The following SEC11A variants were observed in gnomAD, a reference collection of about 807,000 sequenced individuals.
The protein encoded by SEC11A is signal peptidase complex catalytic subunit SEC11A.
SEC11A carries 14 observed loss-of-function variants against 25.6 expected under a neutral mutation model. The observed-to-expected ratio is 0.55, with a 90% confidence interval of 0.36 to 0.85. The LOEUF (loss-of-function observed/expected upper bound fraction) is 0.85, where lower values mean the gene tolerates loss of function less well. Among genes scored for constraint, SEC11A ranks in the 40% least tolerant of loss-of-function variants. The probability of loss-of-function intolerance (pLI) is 0.01; values close to 1 mark genes in which losing one functional copy is unlikely to be tolerated. For synonymous variants in SEC11A, 83 were observed against 76.4 expected (o/e 1.09, Z -0.45); for missense variants, 153 against 222.9 (o/e 0.69, Z 2.00).
chr15:84,704,359 C>T (rs777692653), intron 1 of SEC11A, among the ~76,000 whole-genome samples: 17 of 152,230 alleles, frequency 1.1e-4, no homozygotes, highest in Non-Finnish European at 2.4e-4. Context: ...TACTATGTCC[C>T]TCATCACCTT....
At chr15:84,679,352 AT>A in intron 4 of SEC11A, 1 of 608,316 alleles carries the variant, frequency 1.6e-6, no homozygotes, top group South Asian at 1.5e-5. Flanking sequence ...GCGGGGACAT[AT>A]TAAAACAACA....
intron 3 of SEC11A, chr15:84,686,794 G>A (rs571269782): frequency 6.6e-6 from 1 of 152,214 alleles, no homozygotes; most frequent in African/African-American, 2.4e-5. Context: ...AAACTCCTGG[G>A]CTCACACAAT....
chr15:84,694,046 C>CA (rs533507877), intron 1 of SEC11A, among the ~76,000 whole-genome samples: 256 of 151,802 alleles, frequency 1.7e-3, no homozygotes, highest in African/African-American at 5.9e-3. Flanking sequence ...TGAAAAATTC[C>CA]AAAAAATGCA....
At chr15:84,707,927 G>A (rs986991856) in intron 1 of SEC11A, among the ~76,000 whole-genome samples, 2 of 152,164 alleles carry the variant, frequency 1.3e-5, no homozygotes, top group African/African-American at 2.4e-5. Context: ...GAATATACCA[G>A]CCGGGCATAG....
intron 1 of SEC11A, among the ~76,000 whole-genome samples, chr15:84,695,971 A>G (rs576406893): frequency 1.3e-5 from 2 of 152,208 alleles, no homozygotes; most frequent in Non-Finnish European, 2.9e-5. Flanking sequence ...TTATTTTTTT[A>G]AGTCCACGCT....
intron 1 of SEC11A, among the ~76,000 whole-genome samples, chr15:84,705,214 T>G (rs1206865113): frequency 6.6e-6 from 1 of 152,216 alleles, no homozygotes; most frequent in African/African-American, 2.4e-5. Context: ...CCTGAGCCAC[T>G]GAGCCCAGCC....
chr15:84,670,585 G>C, intron 5 of SEC11A, 140 bp downstream of exon 5: 2 of 475,508 alleles, frequency 4.2e-6, no homozygotes, highest in Non-Finnish European at 7.6e-6. Flanking sequence ...TCGCTATGTT[G>C]CCCAGGCTGG....
chr15:84,692,568 C>T (rs1035885572), intron 1 of SEC11A, among the ~76,000 whole-genome samples: 5 of 152,144 alleles, frequency 3.3e-5, no homozygotes, highest in East Asian at 3.9e-4. Flanking sequence ...AAACACCAGA[C>T]GGCATTTCAA....
chr15:84,710,668 C>G (rs940982992), intron 1 of SEC11A, among the ~76,000 whole-genome samples: 1 of 152,004 alleles, frequency 6.6e-6, no homozygotes, highest in African/African-American at 2.4e-5. Flanking sequence ...AAATTTGCTA[C>G]ACTTTAAATA....
At chr15:84,699,967 G>A (rs1169245691) in intron 1 of SEC11A, among the ~76,000 whole-genome samples, 1 of 151,830 alleles carries the variant, frequency 6.6e-6, no homozygotes, top group Non-Finnish European at 1.5e-5. Flanking sequence ...AAATCTTCAC[G>A]GGGCTTTGGA....
At chr15:84,689,581 T>C (rs1365515423) in intron 2 of SEC11A, among the ~76,000 whole-genome samples, 1 of 150,854 alleles carries the variant, frequency 6.6e-6, no homozygotes, top group East Asian at 1.9e-4. Flanking sequence ...GCCCAAAATA[T>C]GACAAAACTG....
At chr15:84,701,954 C>T (rs903509249) in intron 1 of SEC11A, among the ~76,000 whole-genome samples, 1 of 151,228 alleles carries the variant, frequency 6.6e-6, no homozygotes, top group Non-Finnish European at 1.5e-5. Context: ...GTAGTCCCAG[C>T]TACTTGGGAG....
intron 1 of SEC11A, among the ~76,000 whole-genome samples, 168 bp from the exon 2 acceptor site, chr15:84,691,812 G>GC (rs1266520781): frequency 6.6e-6 from 1 of 151,972 alleles, no homozygotes; most frequent in African/African-American, 2.4e-5. Flanking sequence ...ATCAAAACAG[G>GC]CCCCCCTTCT....
intron 1 of SEC11A, among the ~76,000 whole-genome samples, chr15:84,713,839 T>C (rs1898368681): frequency 6.6e-6 from 1 of 152,152 alleles, no homozygotes. Flanking sequence ...ATGAAGCTAT[T>C]AAGGTCTTTC....
intron 1 of SEC11A, among the ~76,000 whole-genome samples, chr15:84,703,090 G>A (rs968516352): frequency 1.3e-5 from 2 of 152,160 alleles, no homozygotes; most frequent in African/African-American, 4.8e-5. Context: ...ATAAGTAAAT[G>A]ACAGGCAAGA....
chr15:84,680,281 A>G (rs965086923), intron 4 of SEC11A, among the ~76,000 whole-genome samples: 4 of 151,718 alleles, frequency 2.6e-5, no homozygotes, highest in African/African-American at 9.7e-5. Flanking sequence ...AGCCTGGGTG[A>G]CAGAGCAAGA....
In SEC11A at chr15:84,703,252, G is replaced by A. The variant is rs1596081967; in HGVS notation, c.52-11608C>T. ...TGACCTGAACTCCCTGACATGCACC[G>A]GATGCCTGGACGCTGTCAGATTCAC... On this transcript the variant is annotated intron_variant, in intron 1 of 5. Transcript: ENST00000268220. Among the ~76,000 whole-genome samples the A allele has an allele frequency of 5.9e-5, 9 of 152,242 alleles. No homozygotes were observed. The South Asian group carries it at 1.9e-3, about 32-fold the overall frequency.
chr15:84,698,368 T>C (rs1410326213), intron 1 of SEC11A, among the ~76,000 whole-genome samples: 2 of 152,178 alleles, frequency 1.3e-5, no homozygotes, highest in African/African-American at 2.4e-5. Context: ...TTAAATTCCA[T>C]TTATCTTAAG....
chr15:84,696,778 C>T (rs1944765372), intron 1 of SEC11A, among the ~76,000 whole-genome samples: 1 of 152,158 alleles, frequency 6.6e-6, no homozygotes, highest in African/African-American at 2.4e-5. Context: ...CAAAAACCCA[C>T]AGTTCACGTC....
Sources: gnomAD v4.1 joint callset for allele counts (sites outside exome capture counted in the v4.1 genomes callset) on GRCh38, gnomAD v4.1.1 for gene constraint, MANE v1.5 for transcripts, NCBI Gene and HGNC (gene_info 2026-07-23, HGNC 2026-07-21) for gene names.